SLC14A2: variants seen among roughly 807,000 people sequenced by gnomAD.
SLC14A2 encodes urea transporter 2.
In SLC14A2, 91 loss-of-function variants were observed where a neutral mutation model predicts 104.6. The ratio of observed to expected loss-of-function variants is 0.87; its 90% CI spans 0.73 to 1.04. SLC14A2 has a LOEUF of 1.04. SLC14A2 is among the 50% of genes least tolerant of loss of function. The probability of loss-of-function intolerance (pLI) is 0.00; values close to 1 mark genes in which losing one functional copy is unlikely to be tolerated. For synonymous variants in SLC14A2, 476 were observed against 466.4 expected (o/e 1.02, Z -0.27); for missense variants, 1,189 against 1,156.0 (o/e 1.03, Z -0.41).
chr18:45,358,069 G>C (rs762890974), intron 1 of SLC14A2, among the ~76,000 whole-genome samples: 12 of 152,220 alleles, frequency 7.9e-5, no homozygotes, highest in African/African-American at 1.2e-4. Flanking sequence ...GAGAGGTTTG[G>C]TGGTCTACCC....
intron 2 of SLC14A2, among the ~76,000 whole-genome samples, chr18:45,526,674 G>A (rs1189179273): frequency 6.6e-6 from 1 of 152,066 alleles, no homozygotes; most frequent in African/African-American, 2.4e-5. Context: ...ATATAGAGGG[G>A]GAAGATGGGT....
chr18:45,333,471 T>A (rs1227684987), intron 1 of SLC14A2, among the ~76,000 whole-genome samples: 1 of 152,226 alleles, frequency 6.6e-6, no homozygotes, highest in East Asian at 1.9e-4. Flanking sequence ...TAATGCCCTT[T>A]AATTTGTATT....
chr18:45,512,260 G>C (rs1400694258), intron 2 of SLC14A2, among the ~76,000 whole-genome samples: 1 of 152,140 alleles, frequency 6.6e-6, no homozygotes, highest in Non-Finnish European at 1.5e-5. Context: ...TCCCAAATGA[G>C]TTCTTGTCCT....
At chr18:45,565,530 C>A (rs1340364837) in intron 2 of SLC14A2, among the ~76,000 whole-genome samples, 1 of 152,160 alleles carries the variant, frequency 6.6e-6, no homozygotes, top group Non-Finnish European at 1.5e-5. Context: ...ATGAAGTCTG[C>A]AGGAGAAATG....
At chr18:45,613,039 T>G (rs559710067), upstream of SLC14A2, among the ~76,000 whole-genome samples, 1,014 of 152,132 alleles carry the variant, frequency 6.7e-3, 5 homozygotes, top group Middle Eastern at 0.02. Flanking sequence ...GCAGTTTTTT[T>G]TTGTTGTTGT....
At position 45,257,115 on chromosome 18, in the gene SLC14A2, G is replaced by T. The variant is rs186992670; in HGVS notation, c.-125+43924G>T. On this transcript the variant is annotated intron_variant, in intron 1 of 20. Transcript: ENST00000586448. Reference sequence around the variant, plus strand: ...ATGCCTCTACCATGTTCTTCTGAAGGACCCATGTGAAAGAGTGACAGTGTT... The same window carrying T: ...ATGCCTCTACCATGTTCTTCTGAAGTACCCATGTGAAAGAGTGACAGTGTT... Among the ~76,000 whole-genome samples the T allele has an allele frequency of 4.6e-5, 7 of 152,332 alleles. No homozygotes were observed. The East Asian group carries it at 1.3e-3, about 29-fold the overall frequency.
At chr18:45,204,831 T>G in the SLC14A2 span, among the ~76,000 whole-genome samples, 14,943 of 150,796 alleles carry the variant, frequency 0.099, 753 homozygotes, top group Admixed American at 0.12. Flanking sequence ...AAAAAAACTT[T>G]CCCAGAGAAG....
intron 2 of SLC14A2, among the ~76,000 whole-genome samples, chr18:45,512,786 G>A (rs1327755949): frequency 6.6e-6 from 1 of 152,208 alleles, no homozygotes; most frequent in Non-Finnish European, 1.5e-5. Flanking sequence ...TAGAGGATGA[G>A]ATCACAAGGC....
chr18:45,268,964 T>TTGTGTG lies in SLC14A2; in HGVS notation c.-125+55791_-125+55796dup, dbSNP rs3050837. On this transcript the variant is annotated intron_variant, in intron 1 of 20. Transcript: ENST00000586448. ...TGCCTCCTTTATGCTGTTGGTGTGT[T>TTGTGTG]TGTGTGTGTGTGTGTGTGTGTGTAC... Among the ~76,000 whole-genome samples the TTGTGTG allele has an allele frequency of 5.4e-3, 772 of 143,556 alleles. 2 individuals carry two copies. Among genetic ancestry groups the TTGTGTG allele is most frequent in the South Asian group, 0.011 (52 of 4,546 alleles). 94.2% of individuals were successfully genotyped at this position (143,556 alleles called of 152,430 possible).
At chr18:45,659,302 A>G (rs868689106) in intron 10 of SLC14A2, among the ~76,000 whole-genome samples, 1 of 152,234 alleles carries the variant, frequency 6.6e-6, no homozygotes, top group African/African-American at 2.4e-5. Flanking sequence ...GTGCCATGAT[A>G]TTGGAGGTGA....
chr18:45,212,364 C>T (rs760240384), upstream of SLC14A2, among the ~76,000 whole-genome samples: 59 of 152,134 alleles, frequency 3.9e-4, no homozygotes, highest in Non-Finnish European at 7.2e-4. Flanking sequence ...TTAATCCAAG[C>T]CCTGTAATTC....
In SLC14A2 at chr18:45,464,274, C is replaced by T. The variant is rs183343107; in HGVS notation, c.-124-18959C>T. ...CTTAGCTTCTCTGGACCTCAAATTT[C>T]CCATCTCTGAGATAAATGGTTTGGA... On this transcript the variant is annotated intron_variant, in intron 1 of 20. Coordinates refer to the SLC14A2 transcript ENST00000586448. Among the ~76,000 whole-genome samples the T allele has an allele frequency of 3.5e-3, 528 of 152,272 alleles. 2 individuals carry two copies. Among genetic ancestry groups the T allele is most frequent in the Non-Finnish European group, 5.8e-3 (397 of 68,016 alleles).
In SLC14A2 at chr18:45,503,542, C is replaced by T. The variant is rs954032004; in HGVS notation, c.-35+20220C>T. On this transcript the variant is annotated intron_variant, in intron 2 of 20. Transcript: ENST00000586448. ...TTTTCTGCCTCTTCAGGAATTTTGA[C>T]TACTCCATCAAGCTTTAGTCTCTGC... 4.6e-5 allele frequency among the ~76,000 whole-genome samples: 7 copies of T among 152,188 alleles called. No homozygotes were observed. In the East Asian group the frequency reaches 1.3e-3, roughly 29 times the overall value.
intron 1 of SLC14A2, among the ~76,000 whole-genome samples, chr18:45,459,646 C>T (rs1008470376): frequency 2.6e-5 from 4 of 152,180 alleles, no homozygotes; most frequent in African/African-American, 9.7e-5. Context: ...CCTGGTGCAC[C>T]AGCCTGCTCA....
intron 2 of SLC14A2, among the ~76,000 whole-genome samples, chr18:45,550,419 T>C (rs2044040690): frequency 6.6e-6 from 1 of 152,132 alleles, no homozygotes; most frequent in Non-Finnish European, 1.5e-5. Flanking sequence ...CCATATTGAG[T>C]TAATTGCTCC....
At chr18:45,366,864 G>C (rs754038500) in intron 1 of SLC14A2, among the ~76,000 whole-genome samples, 42 of 152,218 alleles carry the variant, frequency 2.8e-4, no homozygotes, top group Non-Finnish European at 5.6e-4. Context: ...GAATGGAACA[G>C]AGTGTATGCG....
At chr18:45,668,086 C>T in intron 14 of SLC14A2, 64 bp downstream of exon 14, 1 of 1,464,226 alleles carries the variant, frequency 6.8e-7, no homozygotes, top group Non-Finnish European at 9.5e-7. Flanking sequence ...GGGGACCATT[C>T]TTCCTCTTCC....
chr18:45,176,866 T>C, the SLC14A2 span, among the ~76,000 whole-genome samples: 1 of 152,236 alleles, frequency 6.6e-6, no homozygotes, highest in Non-Finnish European at 1.5e-5. Context: ...CAGGTCCATT[T>C]GCCAAAGACT....
At chr18:45,461,150 A>G (rs1384436551) in intron 1 of SLC14A2, among the ~76,000 whole-genome samples, 1 of 152,030 alleles carries the variant, frequency 6.6e-6, no homozygotes, top group Non-Finnish European at 1.5e-5. Flanking sequence ...CACCTTTCCC[A>G]TGTCCTTCAG....
Sources: allele counts gnomAD v4.1 joint callset (sites outside exome capture counted in the v4.1 genomes callset), GRCh38; gene constraint gnomAD v4.1.1; transcripts MANE v1.5; gene names NCBI Gene and HGNC (gene_info 2026-07-23, HGNC 2026-07-21).